The following RMDN2 variants were observed in gnomAD, a reference collection of about 807,000 sequenced individuals.
RMDN2 encodes regulator of microtubule dynamics protein 2.
RMDN2 carries 61 observed loss-of-function variants against 52.8 expected under a neutral mutation model. That is an observed-to-expected ratio of 1.16 (90% CI 0.94 to 1.43). The LOEUF (loss-of-function observed/expected upper bound fraction) is 1.43, where lower values mean the gene tolerates loss of function less well. RMDN2 is among the 40% of genes most tolerant of loss of function. RMDN2 has a pLI of 0.00. For missense variants in RMDN2, 592 were observed against 475.3 expected (o/e 1.25, Z -2.28); for synonymous variants, 180 against 153.1 (o/e 1.18, Z -1.30).
At chr2:38,005,988 G>C (rs1270149546) in intron 10 of RMDN2, among the ~76,000 whole-genome samples, 1 of 152,102 alleles carries the variant, frequency 6.6e-6, no homozygotes, top group Non-Finnish European at 1.5e-5. Flanking sequence ...GTTTTTGTCA[G>C]GTTTGTCAAA....
intron 10 of RMDN2, chr2:38,030,173 T>C (rs75079490): frequency 6.6e-5 from 10 of 152,116 alleles, no homozygotes; most frequent in Admixed American, 2.6e-4. Flanking sequence ...AGCGCCAGCC[T>C]TAGACCAAAT....
intron 2 of RMDN2, among the ~76,000 whole-genome samples, chr2:37,946,999 G>C (rs1668275371): frequency 6.6e-6 from 1 of 152,094 alleles, no homozygotes; most frequent in African/African-American, 2.4e-5. Context: ...TTCTTGACTA[G>C]AATGCCTTTA....
intron 2 of RMDN2, among the ~76,000 whole-genome samples, chr2:37,968,286 C>T (rs1671334650): frequency 6.6e-6 from 1 of 151,240 alleles, no homozygotes; most frequent in African/African-American, 2.4e-5. Context: ...ACTAAAAATA[C>T]AACAAAATTA....
intron 5 of RMDN2, among the ~76,000 whole-genome samples, chr2:37,986,302 A>G (rs1433376322): frequency 6.6e-6 from 1 of 152,190 alleles, no homozygotes; most frequent in African/African-American, 2.4e-5. Flanking sequence ...AAAAAATGGA[A>G]TAAATAATTT....
At chr2:38,012,589 AT>A (rs750481725) in intron 10 of RMDN2, 18 of 468,862 alleles carry the variant, frequency 3.8e-5, no homozygotes, top group South Asian at 2.0e-4. Flanking sequence ...CTCACATTGC[AT>A]TTTTTTCCTC....
intron 10 of RMDN2, among the ~76,000 whole-genome samples, chr2:38,045,326 G>C: frequency 6.6e-6 from 1 of 152,152 alleles, no homozygotes; most frequent in East Asian, 1.9e-4. Context: ...TATCAGAGGA[G>C]ACAATGCCTG....
intron 7 of RMDN2, among the ~76,000 whole-genome samples, chr2:37,994,899 G>A (rs1675302699): frequency 6.6e-6 from 1 of 152,180 alleles, no homozygotes; most frequent in Non-Finnish European, 1.5e-5. Context: ...TGCCGAGAAA[G>A]CTCACAGAAG....
At chr2:37,951,209 A>G (rs200241850) in intron 2 of RMDN2, 6 of 1,526,258 alleles carry the variant, frequency 3.9e-6, no homozygotes, top group African/African-American at 2.8e-5. Context: ...TTTTTTCCTC[A>G]TTTGACCCTT....
intron 8 of RMDN2, among the ~76,000 whole-genome samples, chr2:38,003,745 C>T (rs1676678952): frequency 6.6e-6 from 1 of 152,088 alleles, no homozygotes; most frequent in Admixed American, 6.5e-5. Flanking sequence ...CATAAAGTAT[C>T]TCATTGCTTT....
chr2:37,991,386 C>A (rs1674769782), intron 7 of RMDN2, 89 bp downstream of exon 7: 1 of 534,546 alleles, frequency 1.9e-6, no homozygotes, highest in Non-Finnish European at 3.1e-6. Flanking sequence ...TTATTTTTAC[C>A]CAGTGCCTAC....
intron 10 of RMDN2, among the ~76,000 whole-genome samples, chr2:38,047,583 T>G (rs922026330): frequency 1.4e-4 from 22 of 152,368 alleles, no homozygotes; most frequent in African/African-American, 5.0e-4. Flanking sequence ...TTCTTACCAC[T>G]TAGGCCTTCT....
chr2:37,971,140 A>G (rs564848429), intron 2 of RMDN2, among the ~76,000 whole-genome samples: 1 of 152,160 alleles, frequency 6.6e-6, no homozygotes, highest in Non-Finnish European at 1.5e-5. Context: ...ATCCAAGATC[A>G]CAAATATTTG....
intron 2 of RMDN2, among the ~76,000 whole-genome samples, chr2:37,946,634 C>G (rs1354696644): frequency 6.6e-6 from 1 of 152,126 alleles, no homozygotes; most frequent in African/African-American, 2.4e-5. Flanking sequence ...TAACTAGAAA[C>G]ATGAATAAGG....
At chr2:38,015,827 C>CA (rs1678696058) in intron 10 of RMDN2, among the ~76,000 whole-genome samples, 1 of 152,200 alleles carries the variant, frequency 6.6e-6, no homozygotes, top group African/African-American at 2.4e-5. Context: ...TGTTCCTCCA[C>CA]AGCAGAATTG....
intron 7 of RMDN2, among the ~76,000 whole-genome samples, chr2:37,992,506 C>T (rs1674942533): frequency 6.6e-6 from 1 of 152,146 alleles, no homozygotes; most frequent in South Asian, 2.1e-4. Flanking sequence ...GTATTACCTT[C>T]CAACAACTCA....
chr2:37,989,553 G>A lies in RMDN2; in HGVS notation c.804G>A (p.Leu268=). The A allele has an allele frequency of 1.9e-6, 3 of 1,611,450 alleles. No homozygotes were observed. The highest frequency in any genetic ancestry group is 1.1e-5 in the South Asian group (1 of 90,618). ...TTGTCCTTTTCAGGTATGCAGTTTT[G>A]TGTGGCTATGTATCTGAGTTTGAGG... The part of the protein sequence containing the change: ...NGHCHLWYAV[L]CGYVSEFEGL... The change falls in exon 6 of 11, where the codon TTG becomes TTA. Residue 268 remains leucine, a synonymous_variant. Coordinates refer to ENST00000354545, the MANE Select transcript of RMDN2 (RefSeq NM_001170791.3).
At position 37,968,930 on chromosome 2, in the gene RMDN2, C is replaced by T. The variant is rs138022222; in HGVS notation, c.453-5110C>T. On this transcript the variant is annotated intron_variant, in intron 2 of 10. Coordinates refer to ENST00000354545, the MANE Select transcript of RMDN2 (RefSeq NM_001170791.3). ...TTTCTCAATAATGCATGGATATGCC[C>T]TATTTTTAAAATTCTCTTTCAGAAC... Among the ~76,000 whole-genome samples, 140 of 152,076 alleles carry T rather than the reference C, an allele frequency of 9.2e-4. 2 individuals are homozygous for T. The East Asian group carries it at 0.023, about 25-fold the overall frequency.
At chr2:38,056,102 G>T (rs985594201) in intron 10 of RMDN2, among the ~76,000 whole-genome samples, 3 of 152,146 alleles carry the variant, frequency 2.0e-5, no homozygotes, top group Non-Finnish European at 4.4e-5. Context: ...CATTCAAACA[G>T]ATATTTTATT....
At chr2:37,936,077 G>C (rs942952997) in intron 2 of RMDN2, among the ~76,000 whole-genome samples, 1 of 152,132 alleles carries the variant, frequency 6.6e-6, no homozygotes, top group Non-Finnish European at 1.5e-5. Context: ...AGTCCCCGGT[G>C]TGTGATGTTC....
Sources: gnomAD v4.1 joint callset for allele counts (sites outside exome capture counted in the v4.1 genomes callset) on GRCh38, gnomAD v4.1.1 for gene constraint, MANE v1.5 for transcripts, NCBI Gene and HGNC (gene_info 2026-07-23, HGNC 2026-07-21) for gene names.